GRIN2A: variants seen among roughly 807,000 people sequenced by gnomAD.
GRIN2A encodes glutamate ionotropic receptor NMDA type subunit 2A.
In GRIN2A, 22 loss-of-function variants were observed where a neutral mutation model predicts 113.4. That is an observed-to-expected ratio of 0.19 (90% CI 0.14 to 0.28). The LOEUF (loss-of-function observed/expected upper bound fraction) is 0.28. Among genes scored for constraint, GRIN2A ranks in the 10% least tolerant of loss-of-function variants. GRIN2A has a pLI of 1.00. For synonymous variants in GRIN2A, 827 were observed against 738.4 expected (o/e 1.12, Z -1.94); for missense variants, 1,502 against 1,887.0 (o/e 0.80, Z 3.78).
chr16:10,123,255 C>G (rs1676301234), intron 2 of GRIN2A, among the ~76,000 whole-genome samples: 2 of 152,188 alleles, frequency 1.3e-5, no homozygotes, highest in African/African-American at 2.4e-5. Flanking sequence ...AATAGGGACA[C>G]TCCAGCAACC....
chr16:9,995,179 G>C (rs1266213575), intron 2 of GRIN2A, among the ~76,000 whole-genome samples: 1 of 152,162 alleles, frequency 6.6e-6, no homozygotes, highest in Non-Finnish European at 1.5e-5. Flanking sequence ...AGCAGCATCT[G>C]AGCTGAGGCC....
Position 9,768,968 on chromosome 16 carries a change from G to A in GRIN2A, c.2478C>T (p.Ala826=), listed in dbSNP as rs373628160. Residue 826 remains alanine (A), a synonymous_variant, in exon 12 of 13, where the codon GCC becomes GCT. Transcript: ENST00000330684. ...AGGTGATGAGGCTAAGGGCCATGGC[G>A]GCAGCCAGCATGTAGAATACGCCCG... ...NMAGVFYMLA[A]AMALSLITFI... 191 of 1,613,946 alleles carry A rather than the reference G, an allele frequency of 1.2e-4. 1 individual carries two copies. In the South Asian group the frequency reaches 1.4e-3, roughly 12 times the overall value.
At chr16:10,149,723 C>T (rs746078949) in intron 2 of GRIN2A, among the ~76,000 whole-genome samples, 1 of 152,164 alleles carries the variant, frequency 6.6e-6, no homozygotes, top group Non-Finnish European at 1.5e-5. Flanking sequence ...TAACTGGCCT[C>T]CCTGGTGCCC....
chr16:10,072,511 C>T (rs2142034117), intron 2 of GRIN2A, among the ~76,000 whole-genome samples: 1 of 152,322 alleles, frequency 6.6e-6, no homozygotes, highest in East Asian at 1.9e-4. Context: ...TTTGTCTGCA[C>T]TGTGCCCTAG....
At position 9,861,106 on chromosome 16, in the gene GRIN2A, C is replaced by A. The variant is rs80161475; in HGVS notation, c.1123-11145G>T. ...GAGTTCAGGCTGCCTGTGCTCTAGT[C>A]TGGCTGGACCCAGTTAGCTCATTGG... On this transcript the variant is annotated intron_variant, in intron 4 of 12. Transcript: ENST00000330684. 2.1e-3 allele frequency among the ~76,000 whole-genome samples: 317 copies of A among 152,326 alleles called. 3 individuals carry two copies. The East Asian group carries it at 0.047, about 22-fold the overall frequency.
intron 3 of GRIN2A, among the ~76,000 whole-genome samples, chr16:9,932,602 C>T (rs556693506): frequency 5.3e-5 from 8 of 151,852 alleles, no homozygotes; most frequent in East Asian, 3.9e-4. Context: ...CCAGGCTGGT[C>T]GAACTCCTGA....
At chr16:9,869,287 G>C (rs2043215795) in intron 4 of GRIN2A, among the ~76,000 whole-genome samples, 2 of 152,110 alleles carry the variant, frequency 1.3e-5, no homozygotes, top group South Asian at 4.2e-4. Context: ...ACAAAAATTA[G>C]CTGAGTGTGG....
intron 2 of GRIN2A, among the ~76,000 whole-genome samples, chr16:10,084,213 A>C (rs535738241): frequency 6.6e-6 from 1 of 152,336 alleles, no homozygotes; most frequent in Middle Eastern, 3.4e-3. Flanking sequence ...ATGACTATTT[A>C]TATTCTTTAC....
At chr16:10,146,601 T>A (rs1481364186) in intron 2 of GRIN2A, among the ~76,000 whole-genome samples, 2 of 152,064 alleles carry the variant, frequency 1.3e-5, no homozygotes, top group Admixed American at 6.6e-5. Context: ...TAAATTGCCA[T>A]GTCTATTTCA....
At chr16:9,856,391 C>G (rs534111786) in intron 4 of GRIN2A, among the ~76,000 whole-genome samples, 2 of 151,862 alleles carry the variant, frequency 1.3e-5, no homozygotes, top group African/African-American at 4.8e-5. Flanking sequence ...GAGGCTGAGG[C>G]GGGTAGATCA....
intron 2 of GRIN2A, among the ~76,000 whole-genome samples, chr16:10,125,330 C>T (rs2048912026): frequency 6.6e-6 from 1 of 152,088 alleles, no homozygotes; most frequent in Admixed American, 6.5e-5. Flanking sequence ...GCAGGGGCAG[C>T]AAAGAATATT....
intron 3 of GRIN2A, among the ~76,000 whole-genome samples, chr16:9,924,117 A>C (rs1043617228): frequency 7.3e-5 from 11 of 150,314 alleles, no homozygotes; most frequent in Non-Finnish European, 1.5e-4. Flanking sequence ...TCTCAAAAAA[A>C]AAAAAAAAAA....
At chr16:9,769,541 C>A (rs1901137519) in intron 11 of GRIN2A, among the ~76,000 whole-genome samples, 1 of 144,022 alleles carries the variant, frequency 6.9e-6, no homozygotes, top group Non-Finnish European at 1.5e-5. Context: ...AAGCTTGGAA[C>A]AAGACATGGG....
chr16:9,906,134 T>C (rs1008080242), intron 3 of GRIN2A, among the ~76,000 whole-genome samples: 5 of 152,226 alleles, frequency 3.3e-5, no homozygotes, highest in Non-Finnish European at 5.9e-5. Context: ...TCCATACTCA[T>C]ATCAAGCCCA....
Position 10,098,274 on chromosome 16 carries a change from A to G in GRIN2A, c.414+81724T>C, listed in dbSNP as rs532888929. ...AATGCAATACCACTTTATTCCTGCAAGAATGGCCATAATCAAAAAATTAAA... is the reference window on the plus strand; with the variant it reads ...AATGCAATACCACTTTATTCCTGCAGGAATGGCCATAATCAAAAAATTAAA... On this transcript the variant is annotated intron_variant, in intron 2 of 12. Coordinates refer to ENST00000330684, the MANE Select transcript of GRIN2A (RefSeq NM_001134407.3). 3.3e-5 allele frequency among the ~76,000 whole-genome samples: 5 copies of G among 152,354 alleles called. No individual in the cohort carries two copies. The East Asian group carries it at 9.6e-4, about 29-fold the overall frequency.
chr16:10,044,019 A>ATATG (rs1450851713), intron 2 of GRIN2A, among the ~76,000 whole-genome samples: 2 of 125,390 alleles, frequency 1.6e-5, no homozygotes, highest in Admixed American at 1.7e-4. Flanking sequence ...ATATATATAT[A>ATATG]TATAGAGAGA....
At chr16:10,082,667 T>G (rs1406843637) in intron 2 of GRIN2A, among the ~76,000 whole-genome samples, 1 of 152,162 alleles carries the variant, frequency 6.6e-6, no homozygotes, top group African/African-American at 2.4e-5. Context: ...TCTCCATCAC[T>G]GGTTTTGAAG....
chr16:9,938,226 C>T lies in GRIN2A; in HGVS notation c.740G>A (p.Gly247Asp). Reference sequence around the variant, plus strand: ...CCAGAAGAAATCATACCCGGTGAGGCCAAGGGAGCGGGCCTCACTCAGAAT... The same window carrying T: ...CCAGAAGAAATCATACCCGGTGAGGTCAAGGGAGCGGGCCTCACTCAGAAT... ...VLILSEARSL[G>D]LTGYDFFWIV... Residue 247 changes from glycine (G) to aspartate (D), a missense_variant, in exon 3 of 13, where the codon GGC becomes GAC. By Grantham distance (94) the Gly-to-Asp change is moderately conservative. Around this residue, in one of 7 missense-constraint regions of GRIN2A, gnomAD observed 334 missense variants for 403.0 expected, o/e 0.83. Transcript: ENST00000330684. 1.2e-6 allele frequency: 2 copies of T among 1,614,048 alleles called. No individual in the cohort carries two copies. Among genetic ancestry groups the T allele is most frequent in the Non-Finnish European group, 1.7e-6 (2 of 1,179,948 alleles).
chr16:10,003,711 T>C (rs1313087646), intron 2 of GRIN2A, among the ~76,000 whole-genome samples: 2 of 152,030 alleles, frequency 1.3e-5, no homozygotes, highest in Non-Finnish European at 2.9e-5. Context: ...CCACATGGAG[T>C]CTAGATGAGG....
Sources: allele counts gnomAD v4.1 joint callset (sites outside exome capture counted in the v4.1 genomes callset), GRCh38; gene constraint gnomAD v4.1.1; regional missense constraint gnomAD v4.1.1; transcripts MANE v1.5; gene names NCBI Gene and HGNC (gene_info 2026-07-23, HGNC 2026-07-21).